R3HCC1L: variants seen among roughly 807,000 people sequenced by gnomAD.
R3HCC1L encodes the protein coiled-coil domain-containing protein R3HCC1L.
Under a neutral mutation model 59.9 loss-of-function variants are expected in R3HCC1L, and 51 were observed. The ratio of observed to expected loss-of-function variants is 0.85; its 90% CI spans 0.68 to 1.07. The LOEUF (loss-of-function observed/expected upper bound fraction) is 1.07. Ranked by LOEUF, R3HCC1L falls within the 50% of genes least tolerant of loss-of-function variation. The probability of loss-of-function intolerance (pLI) is 0.00; values close to 1 mark genes in which losing one functional copy is unlikely to be tolerated. For synonymous variants in R3HCC1L, 322 were observed against 315.2 expected (o/e 1.02, Z -0.23); for missense variants, 965 against 933.0 (o/e 1.03, Z -0.45).
At chr10:98,193,385 A>T (rs1208426451) in intron 4 of R3HCC1L, among the ~76,000 whole-genome samples, 1 of 152,128 alleles carries the variant, frequency 6.6e-6, no homozygotes, top group African/African-American at 2.4e-5. Flanking sequence ...AAAATAAAAA[A>T]TAAAAAAAAC....
At chr10:98,222,808 A>G (rs1242948122) in intron 5 of R3HCC1L, among the ~76,000 whole-genome samples, 1 of 152,120 alleles carries the variant, frequency 6.6e-6, no homozygotes, top group Non-Finnish European at 1.5e-5. Flanking sequence ...TAATAAAGAA[A>G]AAAAGAGAGA....
At chr10:98,230,978 A>G (rs950912369) in intron 5 of R3HCC1L, 3 of 396,966 alleles carry the variant, frequency 7.6e-6, no homozygotes, top group African/African-American at 2.1e-5. Context: ...GTACCACTTA[A>G]TTTGTCTTAA....
chr10:98,199,164 A>G (rs1174843778), intron 4 of R3HCC1L, among the ~76,000 whole-genome samples: 1 of 152,106 alleles, frequency 6.6e-6, no homozygotes, highest in Non-Finnish European at 1.5e-5. Flanking sequence ...ATTGGACAGT[A>G]TAGTCCTAGA....
In R3HCC1L at chr10:98,175,679, A is replaced by G. The variant is rs968855798; in HGVS notation, c.-15+12282A>G. ...TTGACACTGAGTTTTGAGATTCTGG[A>G]TGAAAGTTATCAGATGTGATTTGCA... On this transcript the variant is annotated intron_variant, in intron 4 of 9. Transcript: ENST00000298999. Among the ~76,000 whole-genome samples the G allele has an allele frequency of 7.9e-5, 12 of 152,130 alleles. 1 individual carries two copies. The highest frequency in any genetic ancestry group is 7.9e-4 in the Admixed American group (12 of 15,260).
intron 4 of R3HCC1L, among the ~76,000 whole-genome samples, chr10:98,183,305 T>G (rs1243117266): frequency 6.6e-6 from 1 of 151,934 alleles, no homozygotes; most frequent in Non-Finnish European, 1.5e-5. Context: ...TTCTGAAAGT[T>G]CTTATCCTGT....
At chr10:98,227,469 C>G (rs1259087500) in intron 5 of R3HCC1L, among the ~76,000 whole-genome samples, 1 of 151,594 alleles carries the variant, frequency 6.6e-6, no homozygotes, top group Non-Finnish European at 1.5e-5. Context: ...GTATTAAAAC[C>G]AGAGAAAGCT....
chr10:98,169,228 ATATT>A (rs1339481083), intron 4 of R3HCC1L, among the ~76,000 whole-genome samples: 1 of 152,198 alleles, frequency 6.6e-6, no homozygotes, highest in African/African-American at 2.4e-5. Context: ...CAAATTGTGA[ATATT>A]TATGAAACTA....
At chr10:98,242,533 C>T (rs1245720482) in intron 9 of R3HCC1L, among the ~76,000 whole-genome samples, 1 of 152,116 alleles carries the variant, frequency 6.6e-6, no homozygotes, top group South Asian at 2.1e-4. Flanking sequence ...TTGCCTCCAT[C>T]GATTAATTTT....
Position 98,231,535 on chromosome 10 carries a change from A to G in R3HCC1L, c.1809A>G (p.Arg603=), listed in dbSNP as rs771727578. 1.2e-5 allele frequency: 19 copies of G among 1,613,014 alleles called. No individual in the cohort carries two copies. The highest frequency in any genetic ancestry group is 1.5e-5 in the Non-Finnish European group (18 of 1,179,646). The change falls in exon 6 of 10, where the codon AGA becomes AGG. Residue 603 remains arginine (R), a synonymous_variant. Transcript: ENST00000298999. ...LQELSGNTKS[R]ESIQEPRSDY... is the part of the protein sequence containing the mutation. ...AGTTATCAGGGAATACCAAGAGCAG[A>G]GAGAGCATCCAGGAACCTAGATCTG... is the stretch of plus-strand genomic sequence containing the variant.
At chr10:98,219,103 G>A (rs1054710748) in intron 5 of R3HCC1L, among the ~76,000 whole-genome samples, 3 of 152,098 alleles carry the variant, frequency 2.0e-5, no homozygotes, top group African/African-American at 7.2e-5. Context: ...GTAGAGACAG[G>A]GTTTCACCAT....
In R3HCC1L at chr10:98,239,186, A is replaced by G. The variant is rs576596097; in HGVS notation, c.2269+3022A>G. Among the ~76,000 whole-genome samples the G allele has an allele frequency of 3.2e-4, 48 of 152,300 alleles. No individual in the cohort carries two copies. In the Middle Eastern group the frequency reaches 0.014, roughly 43 times the overall value. ...AAATGTTTGGAAAAGTGCTTTACAAATTCAGGATATGATTATTGATATGAC... is the reference window on the plus strand; with the variant it reads ...AAATGTTTGGAAAAGTGCTTTACAAGTTCAGGATATGATTATTGATATGAC... On this transcript the variant is annotated intron_variant, in intron 9 of 9. Coordinates refer to ENST00000298999, the MANE Select transcript of R3HCC1L (RefSeq NM_001351015.2).
intron 5 of R3HCC1L, among the ~76,000 whole-genome samples, chr10:98,217,795 T>G (rs1854384532): frequency 6.6e-6 from 1 of 152,136 alleles, no homozygotes. Flanking sequence ...ATAAATGGGA[T>G]TTCTTTCTTG....
chr10:98,147,199 T>G (rs1302779009), intron 1 of R3HCC1L, among the ~76,000 whole-genome samples: 5 of 152,210 alleles, frequency 3.3e-5, no homozygotes, highest in Non-Finnish European at 7.4e-5. Flanking sequence ...GTTGGCCGTT[T>G]GAATGTCATC....
intron 4 of R3HCC1L, among the ~76,000 whole-genome samples, chr10:98,182,823 G>A (rs1413510854): frequency 2.6e-5 from 4 of 152,166 alleles, no homozygotes; most frequent in Non-Finnish European, 5.9e-5. Context: ...GCAAGGCTCC[G>A]TGGTTGTGGG....
Position 98,141,659 on chromosome 10 carries a change from C to T in R3HCC1L, c.-268+6953C>T, listed in dbSNP as rs753832727. The stretch of plus-strand genomic sequence containing the variant: ...ATGGCTGGTACTTAGAACCTGGAGG[C>T]TTCTTCACTCACATGGCTGGTGATT... On this transcript the variant is annotated intron_variant, in intron 1 of 9. Coordinates refer to ENST00000298999, the MANE Select transcript of R3HCC1L (RefSeq NM_001351015.2). 4.1e-4 allele frequency among the ~76,000 whole-genome samples: 62 copies of T among 152,178 alleles called. 1 individual carries two copies. The highest frequency in any genetic ancestry group is 2.4e-4 in the Non-Finnish European group (16 of 68,024).
intron 1 of R3HCC1L, among the ~76,000 whole-genome samples, chr10:98,141,272 TCTTA>T (rs1379780935): frequency 6.6e-6 from 1 of 152,222 alleles, no homozygotes; most frequent in Non-Finnish European, 1.5e-5. Context: ...TAGGAAAGTA[TCTTA>T]CATATCATAG....
At chr10:98,153,017 C>T (rs1365952077) in intron 1 of R3HCC1L, among the ~76,000 whole-genome samples, 6 of 150,846 alleles carry the variant, frequency 4.0e-5, no homozygotes, top group African/African-American at 7.3e-5. Flanking sequence ...GCCCGGCCGC[C>T]GCCCCGTCCG....
intron 9 of R3HCC1L, 76 bp from the exon 10 acceptor site, chr10:98,244,015 C>T: frequency 7.5e-7 from 1 of 1,340,278 alleles, no homozygotes; most frequent in Non-Finnish European, 1.1e-6. Context: ...TAAAGTTTGC[C>T]TTGTAATTTG....
At chr10:98,196,743 T>A (rs1851475020) in intron 4 of R3HCC1L, among the ~76,000 whole-genome samples, 1 of 152,170 alleles carries the variant, frequency 6.6e-6, no homozygotes, top group Admixed American at 6.6e-5. Context: ...TTCCTTCTAC[T>A]CTTGTCCCCC....
Sources: gnomAD v4.1 joint callset for allele counts (sites outside exome capture counted in the v4.1 genomes callset) on GRCh38, gnomAD v4.1.1 for gene constraint, MANE v1.5 for transcripts, NCBI Gene and HGNC (gene_info 2026-07-23, HGNC 2026-07-21) for gene names.